Variants in PRDM10 observed in about 807,000 individuals in gnomAD.
The protein encoded by PRDM10 is PR domain zinc finger protein 10.
In PRDM10, 65 loss-of-function variants were observed where a neutral mutation model predicts 133.1. The ratio of observed to expected loss-of-function variants is 0.49; its 90% CI spans 0.40 to 0.60. The LOEUF is 0.60. Among genes scored for constraint, PRDM10 ranks in the 20% least tolerant of loss-of-function variants. The pLI, the probability that PRDM10 is intolerant of heterozygous loss-of-function variation, is 0.00. For synonymous variants in PRDM10, 582 were observed against 580.4 expected, an observed-to-expected ratio of 1.00 and a Z score of -0.04; for missense variants, 1,137 against 1,507.1, an observed-to-expected ratio of 0.75 and a Z score of 4.07.
Position 129,900,867 on chromosome 11 carries a change from TAA to T in PRDM10, c.*1444_*1445del, listed in dbSNP as rs751084445. ...ATAAAGTGCGAAATCTACACATCAA[TAA>T]AGTTCTTTTAACAGAATTGTTCACT... On this transcript the variant is annotated 3_prime_UTR_variant, in exon 21 of 21. Transcript: ENST00000360871. The T allele has an allele frequency of 1.8e-4, 27 of 152,722 alleles. No homozygotes were observed. The highest frequency in any genetic ancestry group is 3.4e-4 in the Non-Finnish European group (23 of 68,022). The allele number at this position is 152,722 out of a possible 1,614,324, so 9.5% of individuals were successfully genotyped here.
intron 1 of PRDM10, among the ~76,000 whole-genome samples, chr11:129,963,382 G>GAGAGAAGAGAAGGGA (rs1951835242): frequency 1.3e-5 from 1 of 74,586 alleles, no homozygotes; most frequent in East Asian, 5.7e-4. Context: ...AAAGAAAAAA[G>GAGAGAAGAGAAGGGA]AGAGAAGAGA....
chr11:129,936,881 A>G (rs1951050322), intron 8 of PRDM10, among the ~76,000 whole-genome samples: 1 of 152,130 alleles, frequency 6.6e-6, no homozygotes, highest in African/African-American at 2.4e-5. Context: ...TCACAACCAA[A>G]TCTACAGTAA....
intron 19 of PRDM10, among the ~76,000 whole-genome samples, chr11:129,907,952 T>C (rs2135717806): frequency 6.6e-6 from 1 of 151,744 alleles, no homozygotes; most frequent in Admixed American, 6.6e-5. Context: ...GAAAAAAGAA[T>C]TAGCCAAACA....
At chr11:130,002,538 C>G (rs563293835) in intron 1 of PRDM10, among the ~76,000 whole-genome samples, 184 bp downstream of exon 1, 1 of 152,056 alleles carries the variant, frequency 6.6e-6, no homozygotes, top group Non-Finnish European at 1.5e-5. Flanking sequence ...TTCTCCCCCC[C>G]ACCACCACCA....
chr11:129,985,456 C>A (rs139291964), intron 1 of PRDM10, among the ~76,000 whole-genome samples: 7 of 152,156 alleles, frequency 4.6e-5, no homozygotes, highest in African/African-American at 1.4e-4. Flanking sequence ...CACACAAAAT[C>A]AAAACCAGTC....
intron 6 of PRDM10, among the ~76,000 whole-genome samples, chr11:129,943,808 C>G (rs1951296203): frequency 6.6e-6 from 1 of 152,058 alleles, no homozygotes; most frequent in African/African-American, 2.4e-5. Context: ...TCCTGGCTAA[C>G]ATGGTGAAAC....
chr11:129,957,734 C>T lies in PRDM10; in HGVS notation c.234+12G>A, dbSNP rs2135916091. The T allele has an allele frequency of 6.3e-7, 1 of 1,599,806 alleles. No homozygotes were observed. The highest frequency in any genetic ancestry group is 8.5e-7 in the Non-Finnish European group (1 of 1,173,420). On this transcript the variant is annotated intron_variant, in intron 3 of 20. Coordinates refer to ENST00000360871, the MANE Select transcript of PRDM10 (RefSeq NM_199437.2). ...TAATTGACAAATTATCAACAGATAA[C>T]CCTTCACATGCCTGTGCAGCTTCCA...
intron 10 of PRDM10, 54 bp from the exon 11 acceptor site, chr11:129,931,312 C>T: frequency 6.4e-7 from 1 of 1,555,120 alleles, no homozygotes. Flanking sequence ...ACTGTCAGCT[C>T]AGATTTAGAA....
At chr11:129,955,077 C>G (rs556222733) in intron 4 of PRDM10, among the ~76,000 whole-genome samples, 6 of 152,034 alleles carry the variant, frequency 3.9e-5, no homozygotes, top group Non-Finnish European at 8.8e-5. Flanking sequence ...TAAAAGAAAA[C>G]CAAGAAGAAC....
At position 129,977,285 on chromosome 11, in the gene PRDM10, C is replaced by CACACACAT. The variant is rs1555113154; in HGVS notation, c.-118-16204_-118-16203insATGTGTGT. ...ACACACACACACACACACACACACA[C>CACACACAT]ACACACACACACACATTGAGATGCA... On this transcript the variant is annotated intron_variant, in intron 1 of 20. Coordinates refer to ENST00000360871, the MANE Select transcript of PRDM10 (RefSeq NM_199437.2). Among the ~76,000 whole-genome samples the CACACACAT allele has an allele frequency of 1.0e-3, 157 of 151,664 alleles. 3 individuals carry two copies. Among genetic ancestry groups the CACACACAT allele is most frequent in the Admixed American group, 8.7e-3 (132 of 15,132 alleles).
intron 1 of PRDM10, among the ~76,000 whole-genome samples, chr11:129,980,247 C>T (rs545176434): frequency 2.6e-5 from 4 of 152,270 alleles, no homozygotes; most frequent in African/African-American, 7.2e-5. Flanking sequence ...TTAGACACAA[C>T]GTTTATGGCA....
At chr11:129,936,420 G>A (rs528860659) in intron 8 of PRDM10, among the ~76,000 whole-genome samples, 7 of 152,256 alleles carry the variant, frequency 4.6e-5, no homozygotes, top group East Asian at 3.9e-4. Context: ...TTGGGAGGCC[G>A]AGGCAGGCAG....
Position 129,932,848 on chromosome 11 carries a change from C to T in PRDM10, c.1158-617G>A, listed in dbSNP as rs565463025. Among the ~76,000 whole-genome samples the T allele has an allele frequency of 6.6e-5, 10 of 152,234 alleles. No homozygotes were observed. The South Asian group carries it at 2.1e-3, about 32-fold the overall frequency. ...TGATGTAATCATGGCTCACTGTGGC[C>T]TCAACCACCTGGGCTCAAGCGATCC... On this transcript the variant is annotated intron_variant, in intron 9 of 20. Transcript: ENST00000360871.
At chr11:129,916,041 A>G (rs1046282686) in intron 15 of PRDM10, among the ~76,000 whole-genome samples, 181 bp from the exon 16 acceptor site, 1 of 152,188 alleles carries the variant, frequency 6.6e-6, no homozygotes, top group Admixed American at 6.5e-5. Context: ...AATTAGAATA[A>G]AATAAGAACA....
chr11:129,905,504 C>T (rs1276389496), intron 20 of PRDM10, 134 bp downstream of exon 20: 6 of 726,802 alleles, frequency 8.3e-6, no homozygotes, highest in Non-Finnish European at 1.4e-5. Flanking sequence ...TGCCCAAGAC[C>T]TAGCTTTCAA....
Position 129,903,300 on chromosome 11 carries a change from A to AAATAATAATACT in PRDM10, c.3268-785_3268-784insAGTATTATTATT, listed in dbSNP as rs1555100918. ...GCAACAAGAGCGAAACTCCGTCTCA[A>AAATAATAATACT]AATAATAATAATAATAATAATAATA... On this transcript the variant is annotated intron_variant, in intron 20 of 20. Coordinates refer to ENST00000360871, the MANE Select transcript of PRDM10 (RefSeq NM_199437.2). Among the ~76,000 whole-genome samples the AAATAATAATACT allele has an allele frequency of 5.1e-5, 7 of 138,004 alleles. No individual in the cohort carries two copies. In the South Asian group the frequency reaches 1.4e-3, roughly 28 times the overall value. The allele number at this position is 138,004 out of a possible 152,430, so 90.5% of individuals were successfully genotyped here.
Position 129,902,356 on chromosome 11 carries a change from G to A in PRDM10, c.3428C>T (p.Thr1143Ile), listed in dbSNP as rs774215270. Residue 1143 changes from threonine (T) to isoleucine (I), a missense_variant, in exon 21 of 21, where the codon ACC becomes ATC. Physicochemically the swap from Thr to Ile is moderately conservative, Grantham distance 89. Coordinates refer to ENST00000360871, the MANE Select transcript of PRDM10 (RefSeq NM_199437.2). The stretch of plus-strand genomic sequence containing the variant: ...CACTTCGCTGCTTCCGTTCCCGTTG[G>A]TGGTGGTGGTGATGATGTACTGTGT... ...QTTQYIITTT[T>I]NGNGSSEVHI... 3.1e-6 allele frequency: 5 copies of A among 1,613,622 alleles called. No individual in the cohort carries two copies. In the South Asian group the frequency reaches 4.4e-5, roughly 14 times the overall value.
intron 20 of PRDM10, 149 bp downstream of exon 20, chr11:129,905,489 G>A: frequency 1.5e-6 from 1 of 658,012 alleles, no homozygotes; most frequent in Non-Finnish European, 2.7e-6. Flanking sequence ...AGGATAAAGT[G>A]ATAATGCCCA....
intron 1 of PRDM10, among the ~76,000 whole-genome samples, chr11:129,975,899 C>T (rs985919256): frequency 1.6e-4 from 24 of 152,228 alleles, no homozygotes; most frequent in Non-Finnish European, 8.8e-5. Context: ...TGCTATCAAA[C>T]CCCAGTCTCA....
Sources: gnomAD v4.1 joint callset for allele counts (sites outside exome capture counted in the v4.1 genomes callset) on GRCh38, gnomAD v4.1.1 for gene constraint, MANE v1.5 for transcripts, NCBI Gene and HGNC (gene_info 2026-07-23, HGNC 2026-07-21) for gene names.